TMED10: variants seen among roughly 807,000 people sequenced by gnomAD.
The protein encoded by TMED10 is transmembrane emp24 domain-containing protein 10.
TMED10 carries 7 observed loss-of-function variants against 23.1 expected under a neutral mutation model. The observed-to-expected ratio is 0.30, with a 90% CI of 0.17 to 0.57. The LOEUF is 0.57. Ranked by LOEUF, TMED10 falls within the 20% of genes least tolerant of loss-of-function variation. The probability of loss-of-function intolerance (pLI) is 0.91; values close to 1 mark genes in which losing one functional copy is unlikely to be tolerated. For synonymous variants in TMED10, 113 were observed against 106.9 expected, an observed-to-expected ratio of 1.06 and a Z score of -0.35; for missense variants, 162 against 274.8, an observed-to-expected ratio of 0.59 and a Z score of 2.90.
intron 2 of TMED10, among the ~76,000 whole-genome samples, chr14:75,150,506 C>T (rs1450059710): frequency 6.6e-6 from 1 of 152,188 alleles, no homozygotes; most frequent in Non-Finnish European, 1.5e-5. Context: ...GGACAGACTG[C>T]ATATATGAAG....
At chr14:75,159,810 C>T (rs1189637173) in intron 1 of TMED10, among the ~76,000 whole-genome samples, 1 of 152,180 alleles carries the variant, frequency 6.6e-6, no homozygotes, top group African/African-American at 2.4e-5. Context: ...CCACATTGTA[C>T]TGAGGAACTG....
chr14:75,142,611 CA>C (rs1895836671), intron 3 of TMED10, among the ~76,000 whole-genome samples: 1 of 152,210 alleles, frequency 6.6e-6, no homozygotes, highest in Non-Finnish European at 1.5e-5. Context: ...GTCATATTCA[CA>C]AATTGTTTTA....
rs775535283 is a variant in TMED10 at position 75,147,703 on chromosome 14, T to A, written c.372A>T (p.Leu124=). 3 of 1,614,032 alleles carry A rather than the reference T, an allele frequency of 1.9e-6. No homozygotes were observed. The African/African-American group carries it at 4.0e-5, about 22-fold the overall frequency. The change falls in exon 3 of 5, where the codon CTA becomes CTT. Residue 124 remains leucine, a synonymous_variant. Transcript: ENST00000303575. ...TCGCCTCCACTCCATGCTTCATGTC[T>A]AGGATCACGAGTTGGTCAGGTATCC... is the stretch of plus-strand genomic sequence containing the variant. ...TGRIPDQLVI[L]DMKHGVEAKN... is the part of the protein sequence containing the mutation.
At chr14:75,148,037 G>C (rs911765627) in intron 2 of TMED10, 6 of 446,166 alleles carry the variant, frequency 1.3e-5, no homozygotes, top group Non-Finnish European at 2.5e-5. Context: ...GAACAGAACA[G>C]AAGGGAAACC....
chr14:75,166,592 C>T (rs978852405), intron 1 of TMED10, among the ~76,000 whole-genome samples: 10 of 152,136 alleles, frequency 6.6e-5, no homozygotes, highest in African/African-American at 2.4e-4. Context: ...AGGCTGTAGA[C>T]AACTGTTTAC....
At chr14:75,159,324 T>G (rs894172080) in intron 1 of TMED10, among the ~76,000 whole-genome samples, 3 of 152,194 alleles carry the variant, frequency 2.0e-5, no homozygotes, top group Non-Finnish European at 4.4e-5. Flanking sequence ...GGCTAATAAT[T>G]ACAGGTTGCT....
intron 2 of TMED10, among the ~76,000 whole-genome samples, chr14:75,151,067 G>A (rs1895950357): frequency 6.6e-6 from 1 of 151,518 alleles, no homozygotes; most frequent in Non-Finnish European, 1.5e-5. Context: ...CACCACATCT[G>A]GCTAATTTTT....
At position 75,155,964 on chromosome 14, in the gene TMED10, T is replaced by C. The variant is rs553102520; in HGVS notation, c.226-3821A>G. Among the ~76,000 whole-genome samples, 22 of 152,310 alleles carry C rather than the reference T, an allele frequency of 1.4e-4. 2 individuals are homozygous for C. In the East Asian group the frequency reaches 2.7e-3, roughly 19 times the overall value. ...CAAGAATTATTTCCCCCGTGTTCCATGGGAGGAAACTGAGGCCCAGAGAGG... is the reference window on the plus strand; with the variant it reads ...CAAGAATTATTTCCCCCGTGTTCCACGGGAGGAAACTGAGGCCCAGAGAGG... On this transcript the variant is annotated intron_variant, in intron 1 of 4. Transcript: ENST00000303575.
chr14:75,134,877 CTCAT>C lies in TMED10; in HGVS notation c.*4_*7del, dbSNP rs1895728750. On this transcript the variant is annotated 3_prime_UTR_variant, in exon 5 of 5. Transcript: ENST00000303575. Reference sequence around the variant, plus strand: ...GGTACAAGGTGGGAGGAGAATATGCCTCATTCATTACTCAATCAATTTCTTGGCC... The same window carrying C: ...GGTACAAGGTGGGAGGAGAATATGCCTCATTACTCAATCAATTTCTTGGCC... 6.2e-7 allele frequency: 1 copy of C among 1,613,758 alleles called. No homozygotes were observed. The highest frequency in any genetic ancestry group is 1.7e-4 in the Middle Eastern group (1 of 6,060).
intron 1 of TMED10, among the ~76,000 whole-genome samples, chr14:75,157,746 C>T (rs1414463983): frequency 1.3e-5 from 2 of 151,958 alleles, no homozygotes; most frequent in East Asian, 1.9e-4. Context: ...TTCAGACCAG[C>T]CTGGCCAACG....
chr14:75,163,280 C>T (rs773768582), intron 1 of TMED10, among the ~76,000 whole-genome samples: 1 of 151,730 alleles, frequency 6.6e-6, no homozygotes, highest in Non-Finnish European at 1.5e-5. Flanking sequence ...GGGCCAGGCG[C>T]GGTGGCTCAC....
chr14:75,163,908 C>T (rs955278516), intron 1 of TMED10, among the ~76,000 whole-genome samples: 1 of 151,824 alleles, frequency 6.6e-6, no homozygotes, highest in Admixed American at 6.6e-5. Context: ...TACAAGGACA[C>T]ACCACCACGC....
intron 2 of TMED10, 103 bp from the exon 3 acceptor site, chr14:75,147,840 A>C: frequency 2.0e-6 from 2 of 982,110 alleles, no homozygotes; most frequent in Non-Finnish European, 2.8e-6. Flanking sequence ...TACCCTCTCA[A>C]TAGAGGGAAA....
Position 75,143,994 on chromosome 14 carries a change from A to C in TMED10, c.411+3670T>G, listed in dbSNP as rs150188296. On this transcript the variant is annotated intron_variant, in intron 3 of 4. Transcript: ENST00000303575. The stretch of plus-strand genomic sequence containing the variant: ...ATGGAATCAGAGTTCCTCCTTCCTG[A>C]GAGCACTCAGAGAAACAGAACTTTT... Among the ~76,000 whole-genome samples, 11 of 151,342 alleles carry C rather than the reference A, an allele frequency of 7.3e-5. No individual in the cohort carries two copies. The East Asian group carries it at 2.1e-3, about 29-fold the overall frequency.
At chr14:75,173,449 A>G (rs1317578924) in intron 1 of TMED10, among the ~76,000 whole-genome samples, 1 of 152,146 alleles carries the variant, frequency 6.6e-6, no homozygotes, top group African/African-American at 2.4e-5. Context: ...AAAGGCCCAC[A>G]TGCTTGCATG....
chr14:75,174,118 A>G (rs1177952474), intron 1 of TMED10, among the ~76,000 whole-genome samples: 1 of 152,192 alleles, frequency 6.6e-6, no homozygotes, highest in African/African-American at 2.4e-5. Flanking sequence ...CCTGTTATTT[A>G]TAGAGTACTT....
intron 1 of TMED10, among the ~76,000 whole-genome samples, chr14:75,156,916 A>AAAAAT (rs148563522): frequency 7.4e-6 from 1 of 135,472 alleles, no homozygotes; most frequent in East Asian, 2.1e-4. Flanking sequence ...CCGTCTCAAA[A>AAAAAT]AAAAGAAAAG....
chr14:75,134,860 G>C lies in TMED10; in HGVS notation c.*25C>G. On this transcript the variant is annotated 3_prime_UTR_variant, in exon 5 of 5. Coordinates refer to ENST00000303575, the MANE Select transcript of TMED10 (RefSeq NM_006827.6). Reference sequence around the variant, plus strand: ...GATGTTCTGCTGGCTGAGGTACAAGGTGGGAGGAGAATATGCCTCATTCAT... The same window carrying C: ...GATGTTCTGCTGGCTGAGGTACAAGCTGGGAGGAGAATATGCCTCATTCAT... 6.2e-7 allele frequency: 1 copy of C among 1,613,110 alleles called. No homozygotes were observed. Among genetic ancestry groups the C allele is most frequent in the Non-Finnish European group, 8.5e-7 (1 of 1,179,354 alleles).
intron 3 of TMED10, among the ~76,000 whole-genome samples, chr14:75,142,922 G>A (rs1197747346): frequency 1.3e-5 from 2 of 151,844 alleles, no homozygotes; most frequent in African/African-American, 2.4e-5. Flanking sequence ...GCAGTGGCAC[G>A]ATCTTGGCTC....
Sources: allele counts gnomAD v4.1 joint callset (sites outside exome capture counted in the v4.1 genomes callset), GRCh38; gene constraint gnomAD v4.1.1; transcripts MANE v1.5; gene names NCBI Gene and HGNC (gene_info 2026-07-23, HGNC 2026-07-21).